TBPL2: variants seen among roughly 807,000 people sequenced by gnomAD.
TBPL2 encodes the protein TATA box-binding protein-like 2.
Under a neutral mutation model 38.2 loss-of-function variants are expected in TBPL2, and 40 were observed. The observed-to-expected ratio is 1.05, with a 90% CI of 0.81 to 1.36. The LOEUF (loss-of-function observed/expected upper bound fraction) is 1.36, where lower values mean the gene tolerates loss of function less well. TBPL2 is among the 40% of genes most tolerant of loss of function. The probability of loss-of-function intolerance (pLI) is 0.00; values close to 1 mark genes in which losing one functional copy is unlikely to be tolerated. For missense variants in TBPL2, 461 were observed against 456.7 expected (o/e 1.01, Z -0.09); for synonymous variants, 169 against 171.7 (o/e 0.98, Z 0.12).
chr14:55,426,779 A>G (rs1370141383), intron 5 of TBPL2, among the ~76,000 whole-genome samples: 1 of 152,220 alleles, frequency 6.6e-6, no homozygotes, highest in East Asian at 1.9e-4. Flanking sequence ...GGAGGAAGAT[A>G]GAACAGGGAT....
chr14:55,424,298 C>T, intron 5 of TBPL2, 45 bp from the exon 6 acceptor site: 1 of 1,288,896 alleles, frequency 7.8e-7, no homozygotes, highest in Non-Finnish European at 1.1e-6. Flanking sequence ...CACTATTCAG[C>T]TCCTTTCCCA....
intron 4 of TBPL2, among the ~76,000 whole-genome samples, chr14:55,430,606 G>A (rs1484236175): frequency 6.6e-6 from 1 of 152,034 alleles, no homozygotes; most frequent in Non-Finnish European, 1.5e-5. Flanking sequence ...GTCTTGCCCA[G>A]GCTGGGCTCA....
At position 55,424,085 on chromosome 14, in the gene TBPL2, G is replaced by T. The variant is rs971886664; in HGVS notation, c.1051+74C>A. ...AATTACTTTACCATGGTGAACAAAG[G>T]TATTTAAAAGAATAAGCAAAGCACA... On this transcript the variant is annotated intron_variant, in intron 6 of 6. Transcript: ENST00000247219. 1.6e-5 allele frequency: 16 copies of T among 1,011,132 alleles called. No homozygotes were observed. In the East Asian group the frequency reaches 1.9e-4, roughly 12 times the overall value. The allele number at this position is 1,011,132 out of a possible 1,614,324, so 62.6% of individuals were successfully genotyped here.
At chr14:55,422,627 A>G (rs1885761996) in intron 6 of TBPL2, among the ~76,000 whole-genome samples, 2 of 152,162 alleles carry the variant, frequency 1.3e-5, no homozygotes, top group Non-Finnish European at 2.9e-5. Flanking sequence ...CAAGGCAGGT[A>G]GATCACTTGA....
chr14:55,436,988 A>G (rs1276891172), exon 2 of TBPL2: 2 of 1,614,054 alleles, frequency 1.2e-6, no homozygotes, highest in Non-Finnish European at 1.7e-6. Flanking sequence ...ACTGGGCTGA[A>G]CAGGGGAGAC....
At chr14:55,418,926 AT>A (rs1398031719) in intron 6 of TBPL2, among the ~76,000 whole-genome samples, 1 of 152,204 alleles carries the variant, frequency 6.6e-6, no homozygotes, top group African/African-American at 2.4e-5. Context: ...GGTCACTTGC[AT>A]TTTGCATATA....
At chr14:55,415,084 ACTCAT>A (rs1234973786) in intron 6 of TBPL2, among the ~76,000 whole-genome samples, 1 of 152,216 alleles carries the variant, frequency 6.6e-6, no homozygotes. Flanking sequence ...ATTAGTCCCT[ACTCAT>A]CTCTCACCAA....
intron 1 of TBPL2, among the ~76,000 whole-genome samples, chr14:55,439,218 C>T (rs11845228): frequency 0.52 from 77,591 of 148,906 alleles, 20,344 homozygotes; most frequent in East Asian, 0.65. Flanking sequence ...GGATTACAGG[C>T]GTGAGCCACC....
chr14:55,436,438 A>T (rs776529167), intron 2 of TBPL2, 123 bp downstream of exon 2: 99 of 930,002 alleles, frequency 1.1e-4, no homozygotes, highest in Non-Finnish European at 1.3e-4. Context: ...GAACTGATAA[A>T]ACAAAGAATT....
intron 5 of TBPL2, 55 bp from the exon 6 acceptor site, chr14:55,424,308 A>T: frequency 8.6e-7 from 1 of 1,162,418 alleles, no homozygotes; most frequent in Non-Finnish European, 1.3e-6. Context: ...CTCCTTTCCC[A>T]TAACATGTAA....
At chr14:55,432,546 T>C (rs1885948184) in intron 4 of TBPL2, among the ~76,000 whole-genome samples, 1 of 151,836 alleles carries the variant, frequency 6.6e-6, no homozygotes, top group Admixed American at 6.6e-5. Context: ...AAGATAAATC[T>C]CTCCATAGAT....
chr14:55,418,253 G>A (rs1329701392), intron 6 of TBPL2, among the ~76,000 whole-genome samples: 3 of 152,146 alleles, frequency 2.0e-5, no homozygotes. Context: ...CCAGCCCCCA[G>A]CACATTACAA....
At chr14:55,435,992 A>AG in intron 2 of TBPL2, 58 bp from the exon 3 acceptor site, 1 of 1,151,690 alleles carries the variant, frequency 8.7e-7, no homozygotes, top group African/African-American at 1.6e-5. Flanking sequence ...AAAAAAAAAA[A>AG]AGACAACTTA....
Position 55,424,149 on chromosome 14 carries a change from T to C in TBPL2, c.1051+10A>G. 1 of 1,599,960 alleles carries C rather than the reference T, an allele frequency of 6.3e-7. No homozygotes were observed. The highest frequency in any genetic ancestry group is 1.7e-5 in the Admixed American group (1 of 59,650). On this transcript the variant is annotated intron_variant, in intron 6 of 6. Transcript: ENST00000247219. ...CATTTTATGAGTCAGAAAATAATCT[T>C]AGCACTTACCTGTCAACACAACTTT...
At chr14:55,414,330 C>G (rs375488795) in exon 7 of TBPL2, 14 of 1,379,802 alleles carry the variant, frequency 1.0e-5, no homozygotes, top group Non-Finnish European at 1.4e-5. Context: ...CTGTGCTGGG[C>G]TTATGGACAT....
chr14:55,439,611 C>CA (rs201497673), intron 1 of TBPL2, among the ~76,000 whole-genome samples: 1 of 89,630 alleles, frequency 1.1e-5, no homozygotes, highest in East Asian at 3.4e-4. Context: ...GGGAGAAAAG[C>CA]AAACCCCCCC....
At chr14:55,438,593 C>T (rs1396775721) in intron 1 of TBPL2, among the ~76,000 whole-genome samples, 2 of 152,124 alleles carry the variant, frequency 1.3e-5, no homozygotes, top group Non-Finnish European at 2.9e-5. Context: ...GGCATTTTAT[C>T]AGGGAACAAA....
rs867715958 is a variant in TBPL2 at position 55,440,327 on chromosome 14, G to A, written c.150+69C>T. 1.4e-4 allele frequency: 217 copies of A among 1,578,902 alleles called. 2 individuals are homozygous for A. In the South Asian group the frequency reaches 2.3e-3, roughly 17 times the overall value. On this transcript the variant is annotated intron_variant, in intron 1 of 6. Coordinates refer to ENST00000247219, the Ensembl canonical transcript of TBPL2. ...CGCTATGAGTTTTAAGAGGAACGAA[G>A]GCAAAGCCCTTGGCACAGGACCGGG...
intron 6 of TBPL2, among the ~76,000 whole-genome samples, chr14:55,417,771 T>C (rs187832793): frequency 3.3e-5 from 5 of 152,308 alleles, no homozygotes; most frequent in Admixed American, 2.0e-4. Flanking sequence ...TACCATTCCT[T>C]TTCTTCAGGC....
Sources: allele counts gnomAD v4.1 joint callset (sites outside exome capture counted in the v4.1 genomes callset), GRCh38; gene constraint gnomAD v4.1.1; transcripts MANE v1.5; gene names NCBI Gene and HGNC (gene_info 2026-07-23, HGNC 2026-07-21).